The following VPS37C variants were observed in gnomAD, a reference collection of about 807,000 sequenced individuals.
The protein encoded by VPS37C is VPS37C subunit of ESCRT-I.
Under a neutral mutation model 16.1 loss-of-function variants are expected in VPS37C, and 9 were observed. That is an observed-to-expected ratio of 0.56 (90% CI 0.34 to 0.97). VPS37C has a LOEUF of 0.97. VPS37C is among the 50% of genes least tolerant of loss of function. The pLI is 0.02. For missense variants in VPS37C, 479 were observed against 472.7 expected (o/e 1.01, Z -0.12); for synonymous variants, 207 against 206.4 (o/e 1.00, Z -0.02).
Position 61,138,792 on chromosome 11 carries a change from T to C in VPS37C, c.38A>G (p.Glu13Gly), listed in dbSNP as rs1226183404. 6.2e-7 allele frequency: 1 copy of C among 1,613,966 alleles called. No individual in the cohort carries two copies. Among genetic ancestry groups the C allele is most frequent in the East Asian group, 2.2e-5 (1 of 44,882 alleles). The change falls in exon 2 of 5, where the codon GAG (glutamate) becomes GGG (glycine). Residue 13 changes from glutamate to glycine, a missense_variant. Transcript: ENST00000301765. Reference protein sequence around the residue: ...TLKDKTLQELEELQNDSEAID... With the variant: ...TLKDKTLQELGELQNDSEAID... Reference sequence around the variant, plus strand: ...CGCCTCCGAGTCATTCTGCAACTCCTCCAGCTCCTGCAGGGTCTTATCCTT... The same window carrying C: ...CGCCTCCGAGTCATTCTGCAACTCCCCCAGCTCCTGCAGGGTCTTATCCTT...
At chr11:61,160,286 C>CA (rs1388130174) in intron 1 of VPS37C, among the ~76,000 whole-genome samples, 1 of 152,200 alleles carries the variant, frequency 6.6e-6, no homozygotes, top group African/African-American at 2.4e-5. Flanking sequence ...ATTTTCATTG[C>CA]AACAGTCCCC....
chr11:61,160,836 A>G (rs1853462344), intron 1 of VPS37C, among the ~76,000 whole-genome samples: 1 of 152,204 alleles, frequency 6.6e-6, no homozygotes, highest in Non-Finnish European at 1.5e-5. Context: ...ATGTTCAGTG[A>G]TGCTGGGAGG....
At position 61,136,323 on chromosome 11, in the gene VPS37C, G is replaced by A. The variant is rs184643872; in HGVS notation, c.94-2116C>T. On this transcript the variant is annotated intron_variant, in intron 2 of 4. Coordinates refer to ENST00000301765, the MANE Select transcript of VPS37C (RefSeq NM_017966.5). ...CTTGTAGCTGGGACTACAGGCACGTGCCACCACGCCTGGCTAATTTTTGTA... is the reference window on the plus strand; with the variant it reads ...CTTGTAGCTGGGACTACAGGCACGTACCACCACGCCTGGCTAATTTTTGTA... 1.3e-3 allele frequency among the ~76,000 whole-genome samples: 201 copies of A among 152,074 alleles called. 1 individual carries two copies. The highest frequency in any genetic ancestry group is 4.4e-3 in the African/African-American group (181 of 41,470).
intron 1 of VPS37C, chr11:61,161,118 G>A (rs1245745664): frequency 6.6e-6 from 1 of 152,364 alleles, no homozygotes; most frequent in African/African-American, 2.4e-5. Context: ...AGAAAGGAGG[G>A]TGGCGGTGAG....
At position 61,131,714 on chromosome 11, in the gene VPS37C, A is replaced by G; in HGVS notation, c.*106T>C. 1.6e-6 allele frequency: 2 copies of G among 1,228,548 alleles called. No individual in the cohort carries two copies. The highest frequency in any genetic ancestry group is 2.0e-6 in the Non-Finnish European group (2 of 984,950). 76.1% of individuals were successfully genotyped at this position (1,228,548 alleles called of 1,614,324 possible). A position where few individuals can be genotyped will look rare whatever the true frequency, so the allele number is the denominator to read the frequency against. On this transcript the variant is annotated 3_prime_UTR_variant, in exon 5 of 5. Coordinates refer to ENST00000301765, the MANE Select transcript of VPS37C (RefSeq NM_017966.5). The stretch of plus-strand genomic sequence containing the variant: ...CCTCTGGGTGCCGACGCAAGTCCAC[A>G]GGGAGCACCAACGCCACTTCCAGTT...
chr11:61,138,195 C>T (rs995641372), intron 2 of VPS37C: 2 of 153,584 alleles, frequency 1.3e-5, no homozygotes, highest in African/African-American at 4.8e-5. Flanking sequence ...CCCAGGGTCA[C>T]AGGAGATGCT....
At chr11:61,156,711 CCT>C (rs1853382810) in intron 1 of VPS37C, among the ~76,000 whole-genome samples, 1 of 152,126 alleles carries the variant, frequency 6.6e-6, no homozygotes, top group African/African-American at 2.4e-5. Flanking sequence ...ATTTTTAAAT[CCT>C]CTATTTTTAA....
At position 61,138,825 on chromosome 11, in the gene VPS37C, T is replaced by C; in HGVS notation, c.5A>G (p.Glu2Gly). M[E>G]TLKDKTLQEL... ...CTGCAGGGTCTTATCCTTCAGCGTC[T>C]CCATCCTTCCCTGTGAACACAGTGA... The change falls in exon 2 of 5, where the codon GAG becomes GGG. Residue 2 changes from glutamate to glycine, a missense_variant. Glu to Gly is a moderately conservative substitution (Grantham distance 98). Coordinates refer to ENST00000301765, the MANE Select transcript of VPS37C (RefSeq NM_017966.5). 1 of 1,614,094 alleles carries C rather than the reference T, an allele frequency of 6.2e-7. No homozygotes were observed.
At chr11:61,140,613 G>A (rs926516968) in intron 1 of VPS37C, among the ~76,000 whole-genome samples, 1 of 152,208 alleles carries the variant, frequency 6.6e-6, no homozygotes, top group Non-Finnish European at 1.5e-5. Context: ...GTAGGTCAGG[G>A]CAGGGCCCGG....
At chr11:61,139,229 C>G (rs1026954470) in intron 1 of VPS37C, among the ~76,000 whole-genome samples, 3 of 152,186 alleles carry the variant, frequency 2.0e-5, no homozygotes, top group African/African-American at 7.2e-5. Context: ...TGCCATCATG[C>G]CCTCTGGTAG....
intron 1 of VPS37C, among the ~76,000 whole-genome samples, chr11:61,141,592 C>T (rs1861473078): frequency 2.0e-5 from 3 of 152,144 alleles, no homozygotes; most frequent in Non-Finnish European, 4.4e-5. Context: ...AAGTCCAGGC[C>T]CTGCCCCTCG....
chr11:61,148,797 C>T (rs1310488363), intron 1 of VPS37C, among the ~76,000 whole-genome samples: 1 of 152,114 alleles, frequency 6.6e-6, no homozygotes, highest in Non-Finnish European at 1.5e-5. Context: ...AGTGCAGGGA[C>T]GCAAAAGTAG....
At position 61,132,402 on chromosome 11, in the gene VPS37C, A is replaced by AG; in HGVS notation, c.485dup (p.Ser163PhefsTer29). On this transcript the variant is annotated frameshift_variant, in exon 5 of 5. Transcript: ENST00000301765. LOFTEE classifies it low-confidence loss of function (END_TRUNC). ...GGGCATCGCCGGCCAGCTCCTGGGA[A>AG]GCCCTGGGCTTCCTCACCACTTCCT... is the stretch of plus-strand genomic sequence containing the variant. The AG allele has an allele frequency of 6.2e-7, 1 of 1,607,350 alleles. No homozygotes were observed. Among genetic ancestry groups the AG allele is most frequent in the African/African-American group, 1.3e-5 (1 of 74,868 alleles).
chr11:61,155,199 A>G (rs1364565682), intron 1 of VPS37C, among the ~76,000 whole-genome samples: 1 of 152,080 alleles, frequency 6.6e-6, no homozygotes, highest in Non-Finnish European at 1.5e-5. Flanking sequence ...ATAAAAATAA[A>G]CAGACCAGGT....
chr11:61,147,562 C>T (rs1853230775), intron 1 of VPS37C, among the ~76,000 whole-genome samples: 1 of 151,884 alleles, frequency 6.6e-6, no homozygotes, highest in Non-Finnish European at 1.5e-5. Context: ...AGGGTTCAAA[C>T]TTGGGGCAGC....
chr11:61,159,593 G>A (rs867487581), intron 1 of VPS37C, among the ~76,000 whole-genome samples: 1 of 151,804 alleles, frequency 6.6e-6, no homozygotes, highest in African/African-American at 2.4e-5. Flanking sequence ...TCAGGAGTTC[G>A]AGACCAGCCT....
Position 61,131,779 on chromosome 11 carries a change from C to A in VPS37C, c.*41G>T. ...GGCGATGGCTGGGCCAAAGGTTGAG[C>A]GTGGGTGGGACTAGGGAGGGGCCGA... On this transcript the variant is annotated 3_prime_UTR_variant, in exon 5 of 5. Transcript: ENST00000301765. 1 of 1,221,116 alleles carries A rather than the reference C, an allele frequency of 8.2e-7. No homozygotes were observed. 75.6% of individuals were successfully genotyped at this position (1,221,116 alleles called of 1,614,324 possible). A position where few individuals can be genotyped will look rare whatever the true frequency, so the allele number is the denominator to read the frequency against.
intron 1 of VPS37C, among the ~76,000 whole-genome samples, chr11:61,151,356 T>C (rs1286259689): frequency 2.6e-5 from 4 of 152,200 alleles, no homozygotes; most frequent in South Asian, 4.1e-4. Flanking sequence ...CAAACAGATG[T>C]ACCGGCCCAG....
chr11:61,157,067 G>A (rs879769231), intron 1 of VPS37C, among the ~76,000 whole-genome samples: 6 of 152,216 alleles, frequency 3.9e-5, no homozygotes, highest in Non-Finnish European at 5.9e-5. Flanking sequence ...TGTATCAAAC[G>A]TTCTTTCCTT....
Sources: gnomAD v4.1 joint callset for allele counts (sites outside exome capture counted in the v4.1 genomes callset) on GRCh38, gnomAD v4.1.1 for gene constraint, MANE v1.5 for transcripts, NCBI Gene and HGNC (gene_info 2026-07-23, HGNC 2026-07-21) for gene names.